Variants in ABLIM2 observed in about 807,000 individuals in gnomAD.
The protein encoded by ABLIM2 is actin-binding LIM protein 2.
ABLIM2 carries 53 observed loss-of-function variants against 97.7 expected under a neutral mutation model. The observed-to-expected ratio is 0.54, with a 90% CI of 0.44 to 0.68. The LOEUF (loss-of-function observed/expected upper bound fraction) is 0.68. Among genes scored for constraint, ABLIM2 ranks in the 30% least tolerant of loss-of-function variants. The pLI is 0.00. For synonymous variants in ABLIM2, 361 were observed against 345.8 expected (o/e 1.04, Z -0.49); for missense variants, 835 against 867.2 (o/e 0.96, Z 0.47).
At position 8,083,521 on chromosome 4, in the gene ABLIM2, G is replaced by A. The variant is rs1228008012; in HGVS notation, c.455-2719C>T. ...CTCCCTTGACCTTGAGCTCCAAACT[G>A]CAGAGGGGATGTGAACCTCACACCT... On this transcript the variant is annotated intron_variant, in intron 4 of 20. Coordinates refer to ENST00000447017, the MANE Select transcript of ABLIM2 (RefSeq NM_001130083.2). The surrounding 1 kb of genome is among the most constrained non-coding windows in gnomAD (Gnocchi z 4.6). Among the ~76,000 whole-genome samples, 1 of 152,184 alleles carries A rather than the reference G, an allele frequency of 6.6e-6. No individual in the cohort carries two copies. The highest frequency in any genetic ancestry group is 1.5e-5 in the Non-Finnish European group (1 of 68,034).
intron 3 of ABLIM2, among the ~76,000 whole-genome samples, chr4:8,091,542 ATAATATT>A (rs1174615391): frequency 3.7e-5 from 1 of 27,204 alleles, no homozygotes; most frequent in Non-Finnish European, 5.3e-5. Flanking sequence ...AAAATTATAT[ATAATATT>A]TATAATTATA....
At chr4:8,007,507 C>G (rs1279032674) in intron 16 of ABLIM2, 32 of 985,478 alleles carry the variant, frequency 3.2e-5, no homozygotes, top group Non-Finnish European at 3.9e-5. Context: ...CGGAAGCAAA[C>G]AGCATTATCT....
chr4:8,138,031 T>C (rs1295123040), intron 1 of ABLIM2, among the ~76,000 whole-genome samples: 2 of 152,208 alleles, frequency 1.3e-5, no homozygotes, highest in African/African-American at 2.4e-5. Context: ...TGGATGACCC[T>C]TGAAGACATT....
intron 17 of ABLIM2, among the ~76,000 whole-genome samples, chr4:7,985,276 G>A (rs971908269): frequency 5.9e-5 from 9 of 152,288 alleles, no homozygotes; most frequent in African/African-American, 1.2e-4. Flanking sequence ...CGCACGCTGC[G>A]CTAGGCACAG....
chr4:8,101,246 C>T (rs1834431125), intron 2 of ABLIM2, among the ~76,000 whole-genome samples: 1 of 152,220 alleles, frequency 6.6e-6, no homozygotes, highest in Non-Finnish European at 1.5e-5. Context: ...GCTCAGGATC[C>T]CCTTCTGTGA....
chr4:8,052,267 G>A (rs899331647), intron 8 of ABLIM2, among the ~76,000 whole-genome samples: 2 of 152,158 alleles, frequency 1.3e-5, no homozygotes, highest in Admixed American at 1.3e-4. Context: ...CCTTCCACAG[G>A]CCTTTGGTGG....
chr4:8,101,319 C>T (rs1379427396), intron 2 of ABLIM2, among the ~76,000 whole-genome samples: 5 of 152,236 alleles, frequency 3.3e-5, no homozygotes, highest in African/African-American at 1.2e-4. Flanking sequence ...CACAACTCTG[C>T]CATGTGATCT....
intron 11 of ABLIM2, among the ~76,000 whole-genome samples, chr4:8,028,410 T>TTCAC (rs200979101): frequency 3.3e-5 from 5 of 152,110 alleles, no homozygotes; most frequent in African/African-American, 9.7e-5. Context: ...TATTCACTCA[T>TTCAC]TCACTCACTC....
intron 18 of ABLIM2, among the ~76,000 whole-genome samples, chr4:7,984,091 G>A (rs988068978): frequency 1.5e-4 from 19 of 124,118 alleles, no homozygotes; most frequent in African/African-American, 4.2e-4. Flanking sequence ...AGTGTGGATC[G>A]TAGGGCCTCC....
intron 1 of ABLIM2, among the ~76,000 whole-genome samples, chr4:8,138,077 G>A (rs189307069): frequency 9.8e-5 from 15 of 152,330 alleles, no homozygotes; most frequent in African/African-American, 3.1e-4. Flanking sequence ...AGGGCAAATA[G>A]TGCAGGATTC....
In ABLIM2 at chr4:8,071,824, C is replaced by T. The variant is rs1232753209; in HGVS notation, c.675+5804G>A. On this transcript the variant is annotated intron_variant, in intron 6 of 20. Coordinates refer to ENST00000447017, the MANE Select transcript of ABLIM2 (RefSeq NM_001130083.2). The surrounding 1 kb of genome is among the most constrained non-coding windows in gnomAD (Gnocchi z 6.2). ...CTGACGGCCCTGCTTGAGTGCCGTG[C>T]TCCCTGGAACGTGTGCCTGCGAGGG... 1 of 985,310 alleles carries T rather than the reference C, an allele frequency of 1.0e-6. No homozygotes were observed. The highest frequency in any genetic ancestry group is 1.7e-5 in the African/African-American group (1 of 57,218). 61.0% of individuals were successfully genotyped at this position (985,310 alleles called of 1,614,324 possible).
At chr4:7,976,143 T>C (rs1010892231) in intron 20 of ABLIM2, among the ~76,000 whole-genome samples, 10 of 152,208 alleles carry the variant, frequency 6.6e-5, no homozygotes, top group African/African-American at 1.7e-4. Context: ...TTTCCTCTTT[T>C]GTGAAATCCA....
At chr4:8,062,910 C>T (rs1177616101) in intron 6 of ABLIM2, among the ~76,000 whole-genome samples, 2 of 152,194 alleles carry the variant, frequency 1.3e-5, no homozygotes, top group Admixed American at 1.3e-4. Context: ...TGCTTAAATC[C>T]AGGTGCCCCC....
At chr4:8,070,676 G>A (rs1031269465) in intron 6 of ABLIM2, among the ~76,000 whole-genome samples, 1 of 152,172 alleles carries the variant, frequency 6.6e-6, no homozygotes, top group Admixed American at 6.5e-5. Context: ...CTGTGGCAGG[G>A]ATCTGTCACC....
At position 7,992,462 on chromosome 4, in the gene ABLIM2, A is replaced by G. The variant is rs1328283075; in HGVS notation, c.1680+404T>C. On this transcript the variant is annotated intron_variant, in intron 17 of 20. Coordinates refer to ENST00000447017, the MANE Select transcript of ABLIM2 (RefSeq NM_001130083.2). This position sits in a 1 kb window ranked among gnomAD's most constrained non-coding sequence, Gnocchi z 5.7. Reference sequence around the variant, plus strand: ...AGGGAAGGCCAGGGCATCCCCGAGAAGGAGGTGGGCACTTGGCTCACACTG... The same window carrying G: ...AGGGAAGGCCAGGGCATCCCCGAGAGGGAGGTGGGCACTTGGCTCACACTG... Among the ~76,000 whole-genome samples, 1 of 152,098 alleles carries G rather than the reference A, an allele frequency of 6.6e-6. No individual in the cohort carries two copies. The highest frequency in any genetic ancestry group is 2.4e-5 in the African/African-American group (1 of 41,428).
chr4:8,110,406 G>A (rs1002424713), intron 1 of ABLIM2, among the ~76,000 whole-genome samples: 4 of 152,076 alleles, frequency 2.6e-5, no homozygotes, highest in Non-Finnish European at 5.9e-5. Flanking sequence ...TCTGCATGCT[G>A]TGACCTCAGG....
chr4:8,046,174 G>A lies in ABLIM2; in HGVS notation c.823-933C>T, dbSNP rs1172186948. Among the ~76,000 whole-genome samples, 10 of 151,960 alleles carry A rather than the reference G, an allele frequency of 6.6e-5. No individual in the cohort carries two copies. The highest frequency in any genetic ancestry group is 2.1e-4 in the South Asian group (1 of 4,818). ...CTGTCTGGGGCCACTCCTCCCTTCC[G>A]GACCACACCCGCTGTGTCCCCTGGG... is the stretch of plus-strand genomic sequence containing the variant. On this transcript the variant is annotated intron_variant, in intron 8 of 20. Coordinates refer to ENST00000447017, the MANE Select transcript of ABLIM2 (RefSeq NM_001130083.2). The surrounding 1 kb of genome is among the most constrained non-coding windows in gnomAD (Gnocchi z 4.4).
rs74842481 is a variant in ABLIM2 at position 7,978,421 on chromosome 4, A to G, written c.1824+4843T>C. ...ACATTTACAAATGTTAACCACTTGTATTTTACAATTTTCATGTTGTATTAT... is the reference window on the plus strand; with the variant it reads ...ACATTTACAAATGTTAACCACTTGTGTTTTACAATTTTCATGTTGTATTAT... On this transcript the variant is annotated intron_variant, in intron 20 of 20. Coordinates refer to ENST00000447017, the MANE Select transcript of ABLIM2 (RefSeq NM_001130083.2). Among the ~76,000 whole-genome samples, 266 of 152,334 alleles carry G rather than the reference A, an allele frequency of 1.7e-3. 4 individuals are homozygous for G. Among genetic ancestry groups the G allele is most frequent in the African/African-American group, 5.7e-3 (239 of 41,566 alleles).
chr4:8,116,378 C>T (rs970795533), intron 1 of ABLIM2, among the ~76,000 whole-genome samples: 2 of 152,220 alleles, frequency 1.3e-5, no homozygotes, highest in Admixed American at 6.5e-5. Flanking sequence ...CCCCTCCAAA[C>T]CCAAGGCTGG....
Sources: gnomAD v4.1 joint callset for allele counts (sites outside exome capture counted in the v4.1 genomes callset) on GRCh38, gnomAD v4.1.1 for gene constraint, Gnocchi (gnomAD v3.1) non-coding constraint, MANE v1.5 for transcripts, NCBI Gene and HGNC (gene_info 2026-07-23, HGNC 2026-07-21) for gene names.